The following TRHDE variants were observed in gnomAD, a reference collection of about 807,000 sequenced individuals.
TRHDE encodes the protein thyrotropin-releasing hormone-degrading ectoenzyme.
TRHDE carries 72 observed loss-of-function variants against 125.7 expected under a neutral mutation model. The ratio of observed to expected loss-of-function variants is 0.57; its 90% CI spans 0.47 to 0.70. The LOEUF is 0.70. TRHDE is among the 30% of genes least tolerant of loss of function. TRHDE has a pLI of 0.00. For missense variants in TRHDE, 1,110 were observed against 1,327.1 expected, an observed-to-expected ratio of 0.84 and a Z score of 2.54; for synonymous variants, 509 against 509.1, an observed-to-expected ratio of 1.00 and a Z score of 0.00.
At chr12:72,530,416 CTTTTTT>C (rs71438816) in intron 6 of TRHDE, among the ~76,000 whole-genome samples, 4 of 68,484 alleles carry the variant, frequency 5.8e-5, no homozygotes, top group South Asian at 6.4e-4. Context: ...TTCCTAGAAG[CTTTTTT>C]TTTTTTTTTT....
rs1010933878 is a variant in TRHDE at position 72,317,863 on chromosome 12, C to T, written c.1188+30909C>T. On this transcript the variant is annotated intron_variant, in intron 2 of 18. Transcript: ENST00000261180. ...TTTGGGAAACAGTGCTGTGGTAAGA[C>T]GTTCAAGATGAGTGGCAGGGCTGAA... 3.9e-5 allele frequency among the ~76,000 whole-genome samples: 6 copies of T among 151,976 alleles called. No homozygotes were observed. The South Asian group carries it at 6.2e-4, about 16-fold the overall frequency.
At chr12:72,371,419 T>C (rs1168122443) in intron 2 of TRHDE, among the ~76,000 whole-genome samples, 2 of 151,532 alleles carry the variant, frequency 1.3e-5, no homozygotes. Flanking sequence ...ACTTTAAGTT[T>C]TAGGGTACAT....
rs144937519 is a variant in TRHDE, at chr12:72,378,099, G to A, written c.1293G>A (p.Val431=). 1.8e-4 allele frequency: 291 copies of A among 1,582,966 alleles called. 1 individual carries two copies. In the African/African-American group the frequency reaches 2.7e-3, roughly 14 times the overall value. The change falls in exon 3 of 19, where the codon GTG becomes GTA. Residue 431 remains valine (V), a synonymous_variant. Transcript: ENST00000261180. ...AATTTTATGAAGACTACTTTAAAGT[G>A]CCCTATTCCTTGCCAAAACTAGGTA... The part of the protein sequence containing the change: ...LIEFYEDYFK[V]PYSLPKLDLL...
chr12:72,294,726 C>T (rs1880222124), intron 2 of TRHDE, among the ~76,000 whole-genome samples: 1 of 152,164 alleles, frequency 6.6e-6, no homozygotes, highest in Admixed American at 6.5e-5. Flanking sequence ...AGGAATCTTT[C>T]TGCCTCCTGC....
At chr12:72,517,922 C>G (rs1297851455) in intron 6 of TRHDE, among the ~76,000 whole-genome samples, 1 of 151,948 alleles carries the variant, frequency 6.6e-6, no homozygotes, top group African/African-American at 2.4e-5. Context: ...CATTCAGGAG[C>G]AGGTTGTTCA....
chr12:72,645,114 CCAAA>C (rs903435809), intron 15 of TRHDE, among the ~76,000 whole-genome samples: 1 of 152,078 alleles, frequency 6.6e-6, no homozygotes, highest in Non-Finnish European at 1.5e-5. Context: ...GAAAGATGTC[CCAAA>C]CAAAGGAACA....
intron 15 of TRHDE, among the ~76,000 whole-genome samples, chr12:72,627,323 A>T (rs1248591846): frequency 6.6e-6 from 1 of 151,924 alleles, no homozygotes; most frequent in Non-Finnish European, 1.5e-5. Flanking sequence ...TAGAAAAATA[A>T]CTTTAAGGAT....
intron 2 of TRHDE, among the ~76,000 whole-genome samples, chr12:72,107,183 A>G (rs377208180): frequency 2.6e-5 from 4 of 152,250 alleles, no homozygotes; most frequent in East Asian, 1.9e-4. Flanking sequence ...AGAAAATTAT[A>G]AAAATTAGGC....
At chr12:72,516,699 G>A (rs1417745354) in intron 6 of TRHDE, among the ~76,000 whole-genome samples, 4 of 150,792 alleles carry the variant, frequency 2.7e-5, no homozygotes, top group African/African-American at 9.7e-5. Context: ...GGAGTGGTGA[G>A]AGAGGGCATC....
chr12:72,609,404 T>C (rs1355845895), intron 12 of TRHDE, among the ~76,000 whole-genome samples: 2 of 152,210 alleles, frequency 1.3e-5, no homozygotes, highest in African/African-American at 2.4e-5. Flanking sequence ...TTGAATAACA[T>C]GCAAAAAATT....
chr12:72,474,134 T>C (rs561875166), intron 5 of TRHDE, among the ~76,000 whole-genome samples: 12 of 152,218 alleles, frequency 7.9e-5, no homozygotes, highest in African/African-American at 2.9e-4. Flanking sequence ...TACAAAATGC[T>C]GTACATATTT....
intron 2 of TRHDE, among the ~76,000 whole-genome samples, chr12:72,323,800 G>A (rs1869209835): frequency 6.6e-6 from 1 of 150,800 alleles, no homozygotes; most frequent in Non-Finnish European, 1.5e-5. Context: ...CATGGATGGG[G>A]TTCTTGCAAG....
chr12:72,380,247 C>A (rs1226235332), intron 3 of TRHDE, among the ~76,000 whole-genome samples: 1 of 152,090 alleles, frequency 6.6e-6, no homozygotes, highest in African/African-American at 2.4e-5. Context: ...AGCAGATATA[C>A]CAGTGAATGA....
At chr12:72,530,833 A>C (rs527821150) in intron 6 of TRHDE, among the ~76,000 whole-genome samples, 2 of 151,650 alleles carry the variant, frequency 1.3e-5, no homozygotes, top group Non-Finnish European at 2.9e-5. Flanking sequence ...TTTATTTTCA[A>C]AGCAATAATG....
chr12:72,208,996 G>A (rs890130612), intron 2 of TRHDE, among the ~76,000 whole-genome samples: 39 of 151,942 alleles, frequency 2.6e-4, no homozygotes, highest in African/African-American at 9.4e-4. Context: ...GCCTTTCTGC[G>A]GCTCCGAGCC....
chr12:72,451,319 G>T (rs1875558373), intron 3 of TRHDE, among the ~76,000 whole-genome samples: 1 of 152,040 alleles, frequency 6.6e-6, no homozygotes, highest in Non-Finnish European at 1.5e-5. Flanking sequence ...TGAGATCAGG[G>T]TCTAATTTCA....
chr12:72,272,505 T>G lies in TRHDE; in HGVS notation c.-139T>G. On this transcript the variant is annotated 5_prime_UTR_variant, in exon 1 of 19. Coordinates refer to ENST00000261180, the MANE Select transcript of TRHDE (RefSeq NM_013381.3). The surrounding 1 kb of genome is among the most constrained non-coding windows in gnomAD (Gnocchi z 6.7). Reference sequence around the variant, plus strand: ...CCGTCGCTTGTGTCCAGAACCCGTCTTAAAAGAACCCGGGCCAGCATCCCC... The same window carrying G: ...CCGTCGCTTGTGTCCAGAACCCGTCGTAAAAGAACCCGGGCCAGCATCCCC... 1 of 548,082 alleles carries G rather than the reference T, an allele frequency of 1.8e-6. No homozygotes were observed. The highest frequency in any genetic ancestry group is 3.2e-6 in the Non-Finnish European group (1 of 309,040). The allele number at this position is 548,082 out of a possible 1,614,324, so 34.0% of individuals were successfully genotyped here. A position where few individuals can be genotyped will look rare whatever the true frequency, so the allele number is the denominator to read the frequency against.
chr12:72,326,704 C>G (rs2135715564), intron 2 of TRHDE, among the ~76,000 whole-genome samples: 1 of 152,206 alleles, frequency 6.6e-6, no homozygotes, highest in East Asian at 1.9e-4. Flanking sequence ...GTAACTCTTC[C>G]CCAAGAAAAT....
At chr12:72,443,232 T>G (rs1875109869) in intron 3 of TRHDE, among the ~76,000 whole-genome samples, 1 of 131,386 alleles carries the variant, frequency 7.6e-6, no homozygotes, top group Non-Finnish European at 1.6e-5. Flanking sequence ...GTGTGTGTGT[T>G]TTCCACTACT....
Sources: allele counts gnomAD v4.1 joint callset (sites outside exome capture counted in the v4.1 genomes callset), GRCh38; gene constraint gnomAD v4.1.1; non-coding constraint Gnocchi (gnomAD v3.1); transcripts MANE v1.5; gene names NCBI Gene and HGNC (gene_info 2026-07-23, HGNC 2026-07-21).